The following LOC128125817 variants were observed in gnomAD, a reference collection of about 807,000 sequenced individuals.
the LOC128125817 span, among the ~76,000 whole-genome samples, chr1:41,622,221 C>T: frequency 6.6e-6 from 1 of 152,166 alleles, no homozygotes; most frequent in Non-Finnish European, 1.5e-5. Flanking sequence ...ACAGATGGAA[C>T]TTGCATATAT....
At chr1:41,616,620 C>T in the LOC128125817 span, among the ~76,000 whole-genome samples, 15 of 112,488 alleles carry the variant, frequency 1.3e-4, no homozygotes, top group Admixed American at 4.0e-4. Context: ...GATGGGGAGC[C>T]TTTTTTTTTT....
the LOC128125817 span, among the ~76,000 whole-genome samples, chr1:41,610,619 A>C: frequency 1.2e-4 from 19 of 152,326 alleles, no homozygotes; most frequent in East Asian, 3.3e-3. Context: ...GCAGTGGCCC[A>C]CAGCCTTCTT....
the LOC128125817 span, among the ~76,000 whole-genome samples, chr1:41,625,162 CAAAAAAAAAAAAAAAAAAA>C: frequency 7.0e-5 from 5 of 71,230 alleles, no homozygotes; most frequent in Non-Finnish European, 7.5e-5. Flanking sequence ...GATTCCAACT[CAAAAAAAAAAAAAAAAAAA>C]AAAAAAAAAA....
the LOC128125817 span, among the ~76,000 whole-genome samples, chr1:41,625,198 C>T: frequency 4.1e-4 from 57 of 139,976 alleles, no homozygotes; most frequent in African/African-American, 1.5e-3. Context: ...AAAAAGAATT[C>T]CTTAATACTT....
chr1:41,618,977 C>T, the LOC128125817 span, among the ~76,000 whole-genome samples: 2 of 152,232 alleles, frequency 1.3e-5, no homozygotes, highest in Non-Finnish European at 2.9e-5. Context: ...TGATCTGTCA[C>T]ATCACTGCCT....
chr1:41,608,524 G>C, the LOC128125817 span, among the ~76,000 whole-genome samples: 16 of 152,200 alleles, frequency 1.1e-4, no homozygotes, highest in Non-Finnish European at 1.5e-5. Flanking sequence ...CTCTTCTGAA[G>C]GGCTCTCAGG....
At chr1:41,594,618 C>G in the LOC128125817 span, among the ~76,000 whole-genome samples, 2 of 152,198 alleles carry the variant, frequency 1.3e-5, no homozygotes, top group Non-Finnish European at 2.9e-5. Flanking sequence ...GACTATTTTT[C>G]TGGTTTACAT....
the LOC128125817 span, among the ~76,000 whole-genome samples, chr1:41,598,904 C>T: frequency 4.6e-5 from 7 of 152,020 alleles, no homozygotes; most frequent in South Asian, 8.3e-4. Flanking sequence ...CAACCTCCAC[C>T]TCCTGGGCTC....
the LOC128125817 span, among the ~76,000 whole-genome samples, chr1:41,623,213 G>C: frequency 6.6e-6 from 1 of 152,228 alleles, no homozygotes; most frequent in Non-Finnish European, 1.5e-5. Context: ...CAGGAAGTGG[G>C]AGGCAGCAGT....
the LOC128125817 span, among the ~76,000 whole-genome samples, chr1:41,615,749 G>A: frequency 2.6e-5 from 4 of 151,286 alleles, no homozygotes; most frequent in African/African-American, 9.7e-5. Flanking sequence ...GGTCACTCCT[G>A]GGAGCACAGG....
chr1:41,607,727 T>C, the LOC128125817 span, among the ~76,000 whole-genome samples: 1 of 152,252 alleles, frequency 6.6e-6, no homozygotes, highest in Non-Finnish European at 1.5e-5. Flanking sequence ...TGTATTAGGA[T>C]ACAGGTTCTA....
At chr1:41,612,841 A>C in the LOC128125817 span, among the ~76,000 whole-genome samples, 1 of 152,122 alleles carries the variant, frequency 6.6e-6, no homozygotes, top group Non-Finnish European at 1.5e-5. Flanking sequence ...TCATCTTTGC[A>C]TGGAAGAGAT....
the LOC128125817 span, among the ~76,000 whole-genome samples, chr1:41,596,611 A>C: frequency 9.9e-5 from 15 of 152,220 alleles, no homozygotes; most frequent in Non-Finnish European, 2.1e-4. Flanking sequence ...TAAAATATTA[A>C]AAATATTTAA....
At chr1:41,613,091 G>A in the LOC128125817 span, among the ~76,000 whole-genome samples, 2 of 152,242 alleles carry the variant, frequency 1.3e-5, no homozygotes, top group Non-Finnish European at 2.9e-5. Context: ...CAGGAGCACT[G>A]GGCGCGGAGT....
At chr1:41,597,092 C>A in the LOC128125817 span, among the ~76,000 whole-genome samples, 1 of 152,148 alleles carries the variant, frequency 6.6e-6, no homozygotes, top group South Asian at 2.1e-4. Flanking sequence ...TCCCTCCCAA[C>A]TCCAAGACCT....
At chr1:41,598,514 C>G in the LOC128125817 span, among the ~76,000 whole-genome samples, 1 of 152,186 alleles carries the variant, frequency 6.6e-6, no homozygotes, top group Admixed American at 6.5e-5. Flanking sequence ...CTGCCTGTGG[C>G]TTCTGTCATT....
chr1:41,621,021 C>A, the LOC128125817 span, among the ~76,000 whole-genome samples: 3 of 152,308 alleles, frequency 2.0e-5, no homozygotes, highest in South Asian at 6.2e-4. Flanking sequence ...GACAGTGTGA[C>A]CCTGGGCAAG....
At chr1:41,612,478 A>C in the LOC128125817 span, among the ~76,000 whole-genome samples, 1 of 152,156 alleles carries the variant, frequency 6.6e-6, no homozygotes, top group African/African-American at 2.4e-5. Flanking sequence ...CATACTTCAT[A>C]ACTAAGAATT....
chr1:41,620,396 G>C, the LOC128125817 span, among the ~76,000 whole-genome samples: 2 of 152,166 alleles, frequency 1.3e-5, no homozygotes, highest in African/African-American at 4.8e-5. Context: ...AAGTGGCCTA[G>C]GTGATTTGGC....
Sources: gnomAD v4.1 joint callset for allele counts (sites outside exome capture counted in the v4.1 genomes callset) on GRCh38, gnomAD v4.1.1 for gene constraint, MANE v1.5 for transcripts.